C12orf56: variants seen among roughly 807,000 people sequenced by gnomAD.
C12orf56 encodes the protein chromosome 12 open reading frame 56.
A neutral mutation model predicts 69.9 loss-of-function variants in C12orf56; 71 were observed. The observed-to-expected ratio is 1.02, with a 90% CI of 0.84 to 1.24. The LOEUF (loss-of-function observed/expected upper bound fraction) is 1.24, where lower values mean the gene tolerates loss of function less well. Ranked by LOEUF, C12orf56 falls within the 50% of genes most tolerant of loss-of-function variation. The pLI is 0.00. For missense variants in C12orf56, 732 were observed against 738.5 expected, an observed-to-expected ratio of 0.99 and a Z score of 0.10; for synonymous variants, 276 against 274.1, an observed-to-expected ratio of 1.01 and a Z score of -0.07.
chr12:64,284,195 G>A (rs985458875), intron 8 of C12orf56, among the ~76,000 whole-genome samples: 3 of 152,114 alleles, frequency 2.0e-5, no homozygotes, highest in African/African-American at 7.2e-5. Context: ...ACCGTGCCTG[G>A]CCTAGAGTGT....
chr12:64,340,727 C>T (rs552105500), intron 2 of C12orf56, among the ~76,000 whole-genome samples: 1 of 152,234 alleles, frequency 6.6e-6, no homozygotes, highest in Non-Finnish European at 1.5e-5. Context: ...ATGACAATTA[C>T]AGTCCTTGTT....
chr12:64,266,418 G>A lies in C12orf56; in HGVS notation c.*765C>T. The stretch of plus-strand genomic sequence containing the variant: ...GCAGATTTTAAAACTCTGGCCTCCG[G>A]CCTTGGTGGTTTCTGGTGCAGGAAC... On this transcript the variant is annotated 3_prime_UTR_variant, in exon 13 of 13. Coordinates refer to ENST00000543942, the MANE Select transcript of C12orf56 (RefSeq NM_001170633.2). 1 of 250,520 alleles carries A rather than the reference G, an allele frequency of 4.0e-6. No homozygotes were observed. The highest frequency in any genetic ancestry group is 8.6e-6 in the Non-Finnish European group (1 of 116,768). 15.5% of individuals were successfully genotyped at this position (250,520 alleles called of 1,614,324 possible). A position where few individuals can be genotyped will look rare whatever the true frequency, so the allele number is the denominator to read the frequency against.
chr12:64,336,123 C>T (rs143854653), intron 2 of C12orf56, among the ~76,000 whole-genome samples: 238 of 152,250 alleles, frequency 1.6e-3, no homozygotes, highest in Admixed American at 7.4e-3. Flanking sequence ...CAATACCTGA[C>T]TCAGGGAACA....
intron 1 of C12orf56, among the ~76,000 whole-genome samples, chr12:64,388,231 C>G (rs557583449): frequency 6.6e-6 from 1 of 152,236 alleles, no homozygotes; most frequent in Admixed American, 6.5e-5. Flanking sequence ...AGCCACCATG[C>G]CTGGCCCCTT....
At chr12:64,364,867 C>T (rs1379697847) in intron 1 of C12orf56, among the ~76,000 whole-genome samples, 1 of 151,978 alleles carries the variant, frequency 6.6e-6, no homozygotes, top group Non-Finnish European at 1.5e-5. Context: ...CCACTCTCAC[C>T]CCGCCTCCTT....
intron 1 of C12orf56, among the ~76,000 whole-genome samples, chr12:64,356,180 A>C (rs10878154): frequency 0.45 from 57,911 of 127,630 alleles, 12,904 homozygotes; most frequent in Non-Finnish European, 0.57. Context: ...CAAAAAAAAA[A>C]AAAAAAAAAA....
At position 64,363,357 on chromosome 12, in the gene C12orf56, GGTAA is replaced by G. The variant is rs2039422382; in HGVS notation, c.253-10305_253-10302del. ...CTCAATCTGTGAGGCTAAAAGGATA[GGTAA>G]GTGTGCAGGAAAGGGTTAATTCAGC... On this transcript the variant is annotated intron_variant, in intron 1 of 12. Coordinates refer to ENST00000543942, the MANE Select transcript of C12orf56 (RefSeq NM_001170633.2). Among the ~76,000 whole-genome samples, 2 of 152,300 alleles carry G rather than the reference GGTAA, an allele frequency of 1.3e-5. 1 individual carries two copies. The highest frequency in any genetic ancestry group is 4.1e-4 in the South Asian group (2 of 4,824).
chr12:64,330,925 G>C (rs1023905517), intron 3 of C12orf56, 35 bp downstream of exon 3: 2 of 1,472,530 alleles, frequency 1.4e-6, no homozygotes, highest in African/African-American at 2.9e-5. Context: ...GTTTTGGTTA[G>C]CAAGTTAAAC....
Position 64,266,500 on chromosome 12 carries a change from G to A in C12orf56, c.*683C>T, listed in dbSNP as rs2136735392. 6 of 267,948 alleles carry A rather than the reference G, an allele frequency of 2.2e-5. No homozygotes were observed. In the South Asian group the frequency reaches 3.9e-4, roughly 17 times the overall value. 16.6% of individuals were successfully genotyped at this position (267,948 alleles called of 1,614,324 possible). On this transcript the variant is annotated 3_prime_UTR_variant, in exon 13 of 13. Coordinates refer to ENST00000543942, the MANE Select transcript of C12orf56 (RefSeq NM_001170633.2). ...GTGGCTGGCGGATGAGATCTTGAGT[G>A]AGTGACCTTAGGCCCAGACCAAGCT...
intron 2 of C12orf56, among the ~76,000 whole-genome samples, chr12:64,348,390 T>C (rs2039176363): frequency 6.6e-6 from 1 of 152,230 alleles, no homozygotes; most frequent in Non-Finnish European, 1.5e-5. Context: ...GCAAAATTTA[T>C]AAAGGATTGT....
At chr12:64,298,154 T>TCA (rs1461691476) in intron 6 of C12orf56, among the ~76,000 whole-genome samples, 1 of 72,222 alleles carries the variant, frequency 1.4e-5, no homozygotes, top group Non-Finnish European at 4.1e-5. Flanking sequence ...GAGCTTTTTT[T>TCA]CATGTTTGTT....
intron 1 of C12orf56, among the ~76,000 whole-genome samples, chr12:64,380,224 A>G (rs1239973425): frequency 6.6e-6 from 1 of 151,778 alleles, no homozygotes; most frequent in Non-Finnish European, 1.5e-5. Context: ...AGAGCTAAAC[A>G]TGAGCATCAT....
At chr12:64,338,313 C>T (rs2039023606) in intron 2 of C12orf56, 1 of 517,920 alleles carries the variant, frequency 1.9e-6, no homozygotes, top group Admixed American at 2.5e-5. Flanking sequence ...ATCTCAACTC[C>T]ACCAGCTATG....
In C12orf56 at chr12:64,305,747, G is replaced by A. The variant is rs373600257; in HGVS notation, c.969-1968C>T. Among the ~76,000 whole-genome samples the A allele has an allele frequency of 4.6e-5, 7 of 152,194 alleles. No individual in the cohort carries two copies. In the East Asian group the frequency reaches 9.6e-4, roughly 21 times the overall value. On this transcript the variant is annotated intron_variant, in intron 5 of 12. Transcript: ENST00000543942. ...ATACACACTAAGTGTTTGATAAACGGTCTCTAAATAAAACAGGAATAAGTT... is the reference window on the plus strand; with the variant it reads ...ATACACACTAAGTGTTTGATAAACGATCTCTAAATAAAACAGGAATAAGTT...
intron 8 of C12orf56, among the ~76,000 whole-genome samples, chr12:64,278,217 T>C (rs1158604274): frequency 6.6e-6 from 1 of 152,340 alleles, no homozygotes; most frequent in East Asian, 1.9e-4. Flanking sequence ...GTTCATCAGA[T>C]GTGTTTACTA....
At chr12:64,316,179 C>T (rs1386581118) in intron 4 of C12orf56, among the ~76,000 whole-genome samples, 1 of 151,916 alleles carries the variant, frequency 6.6e-6, no homozygotes, top group African/African-American at 2.4e-5. Flanking sequence ...AATCTTGGCT[C>T]ACTGCAACCT....
chr12:64,344,279 G>A (rs2039112671), intron 2 of C12orf56, among the ~76,000 whole-genome samples: 1 of 152,158 alleles, frequency 6.6e-6, no homozygotes, highest in Admixed American at 6.5e-5. Context: ...TTCATTCAAG[G>A]GGTTCTGGGT....
chr12:64,315,197 C>A (rs986836121), intron 4 of C12orf56, among the ~76,000 whole-genome samples: 12 of 151,946 alleles, frequency 7.9e-5, no homozygotes, highest in African/African-American at 2.4e-4. Flanking sequence ...GGTGATCCAA[C>A]TGCCTCAGCC....
chr12:64,342,920 C>T lies in C12orf56; in HGVS notation c.415+9974G>A, dbSNP rs141343472. On this transcript the variant is annotated intron_variant, in intron 2 of 12. Transcript: ENST00000543942. Reference sequence around the variant, plus strand: ...GACAGCTCAAGCACCATTGGATCTGCCAGGTCATATGGCCCAAGTGGCAGA... The same window carrying T: ...GACAGCTCAAGCACCATTGGATCTGTCAGGTCATATGGCCCAAGTGGCAGA... 3.1e-3 allele frequency among the ~76,000 whole-genome samples: 468 copies of T among 152,296 alleles called. 4 individuals carry two copies. Among genetic ancestry groups the T allele is most frequent in the African/African-American group, 0.011 (442 of 41,566 alleles).
Sources: allele counts gnomAD v4.1 joint callset (sites outside exome capture counted in the v4.1 genomes callset), GRCh38; gene constraint gnomAD v4.1.1; transcripts MANE v1.5; gene names NCBI Gene and HGNC (gene_info 2026-07-23, HGNC 2026-07-21).